Variants in ARNT observed in about 807,000 individuals in gnomAD.
ARNT encodes the protein aryl hydrocarbon receptor nuclear translocator, also known as class E basic helix-loop-helix protein 2.
A neutral mutation model predicts 105.0 loss-of-function variants in ARNT; 30 were observed. That is an observed-to-expected ratio of 0.29 (90% CI 0.21 to 0.39). The LOEUF (loss-of-function observed/expected upper bound fraction) is 0.39, where lower values mean the gene tolerates loss of function less well. Ranked by LOEUF, ARNT falls within the 10% of genes least tolerant of loss-of-function variation. ARNT has a pLI of 1.00. For missense variants in ARNT, 748 were observed against 978.7 expected, an observed-to-expected ratio of 0.76 and a Z score of 3.15; for synonymous variants, 304 against 344.0, an observed-to-expected ratio of 0.88 and a Z score of 1.29.
At chr1:150,826,708 G>C (rs587748109) in intron 12 of ARNT, 91 bp from the exon 13 acceptor site, 2 of 947,912 alleles carry the variant, frequency 2.1e-6, no homozygotes, top group East Asian at 5.1e-5. Flanking sequence ...ACGATGGCGC[G>C]ATCTTGGCTC....
chr1:150,818,814 T>C (rs757000860), intron 14 of ARNT, among the ~76,000 whole-genome samples: 35 of 152,194 alleles, frequency 2.3e-4, no homozygotes, highest in Middle Eastern at 3.4e-3. Flanking sequence ...GGGAAAATGA[T>C]ACATAAACAT....
At chr1:150,824,956 G>C (rs953542928) in intron 13 of ARNT, among the ~76,000 whole-genome samples, 1 of 152,028 alleles carries the variant, frequency 6.6e-6, no homozygotes, top group African/African-American at 2.4e-5. Context: ...CTGCCTCCTG[G>C]GTTCAAGCAA....
chr1:150,873,556 C>T (rs189592026), intron 1 of ARNT, among the ~76,000 whole-genome samples: 1 of 152,228 alleles, frequency 6.6e-6, no homozygotes, highest in Non-Finnish European at 1.5e-5. Flanking sequence ...TGCAGAAGAA[C>T]GTGGTCCCCT....
chr1:150,866,195 C>T (rs1666558835), intron 1 of ARNT, among the ~76,000 whole-genome samples: 1 of 152,054 alleles, frequency 6.6e-6, no homozygotes, highest in South Asian at 2.1e-4. Context: ...GTTGGCCAGG[C>T]TGGTCCCAAA....
Position 150,810,675 on chromosome 1 carries a change from A to C in ARNT, c.*1346T>G, listed in dbSNP as rs1253482522. 4.8e-6 allele frequency: 1 copy of C among 210,324 alleles called. No homozygotes were observed. Among genetic ancestry groups the C allele is most frequent in the Non-Finnish European group, 9.6e-6 (1 of 103,810 alleles). The allele number at this position is 210,324 out of a possible 1,614,324, so 13.0% of individuals were successfully genotyped here. ...AGCTGGTATCTACGACTGTTACCTG[A>C]GGAAGGTAAAGGGTGAGGGTAGTAA... On this transcript the variant is annotated 3_prime_UTR_variant, in exon 22 of 22. Coordinates refer to ENST00000358595, the MANE Select transcript of ARNT (RefSeq NM_001668.4).
In ARNT at chr1:150,810,936, G is replaced by A. The variant is rs926246186; in HGVS notation, c.*1085C>T. On this transcript the variant is annotated 3_prime_UTR_variant, in exon 22 of 22. Transcript: ENST00000358595. ...ATGAAAGAGGCTACTTTGCAAGAGG[G>A]CTTCGTATTTGGTTTACACTCCAAC... 9.2e-5 allele frequency: 21 copies of A among 228,084 alleles called. No homozygotes were observed. Among genetic ancestry groups the A allele is most frequent in the Non-Finnish European group, 1.8e-4 (21 of 114,560 alleles). 14.1% of individuals were successfully genotyped at this position (228,084 alleles called of 1,614,324 possible).
intron 14 of ARNT, among the ~76,000 whole-genome samples, chr1:150,822,817 A>T (rs2101703213): frequency 6.6e-6 from 1 of 152,322 alleles, no homozygotes; most frequent in East Asian, 1.9e-4. Context: ...GGTACTGCAT[A>T]CACAAATTGG....
Position 150,839,460 on chromosome 1 carries a change from G to T in ARNT, c.467C>A (p.Pro156Gln), listed in dbSNP as rs778405288. 7 of 1,614,094 alleles carry T rather than the reference G, an allele frequency of 4.3e-6. No individual in the cohort carries two copies. Among genetic ancestry groups the T allele is most frequent in the Non-Finnish European group, 4.2e-6 (5 of 1,180,004 alleles). ...GNTSTDGSYKPSFLTDQELKH... is the reference protein window; with the variant it reads ...GNTSTDGSYKQSFLTDQELKH... ...AGAGACCTGATCAGTGAGGAAAGACGGCTTATAGGAGCCATCAGTGGATGT... is the reference window on the plus strand; with the variant it reads ...AGAGACCTGATCAGTGAGGAAAGACTGCTTATAGGAGCCATCAGTGGATGT... Residue 156 changes from proline (P) to glutamine (Q), a missense_variant, in exon 6 of 22, where the codon CCG becomes CAG. Coordinates refer to ENST00000358595, the MANE Select transcript of ARNT (RefSeq NM_001668.4).
rs745603389 is a variant in ARNT at position 150,817,209 on chromosome 1, A to G, written c.1579-7T>C. On this transcript the variant is annotated splice_region_variant and splice_polypyrimidine_tract_variant and intron_variant, in intron 16 of 21. Transcript: ENST00000358595. The stretch of plus-strand genomic sequence containing the variant: ...TTGTCACAGGCTGAACCACCTGTGG[A>G]ATACAATGATAAAAATAACCATTAA... The G allele has an allele frequency of 6.2e-7, 1 of 1,613,624 alleles. No homozygotes were observed. Among genetic ancestry groups the G allele is most frequent in the Non-Finnish European group, 8.5e-7 (1 of 1,179,884 alleles).
chr1:150,831,251 CAGGCAGCAGGGAAGTAATA>C (rs1659317731), intron 10 of ARNT, among the ~76,000 whole-genome samples: 1 of 152,168 alleles, frequency 6.6e-6, no homozygotes, highest in Admixed American at 6.5e-5. Flanking sequence ...CAATAATACC[CAGGCAGCAGGGAAGTAATA>C]AAGTTGCTAA....
At position 150,831,926 on chromosome 1, in the gene ARNT, A is replaced by G. The variant is rs74666085; in HGVS notation, c.870-23T>C. On this transcript the variant is annotated intron_variant, in intron 9 of 21. Transcript: ENST00000358595. ...TTCCTAGAAGAGTTACAGGAGTTTG[A>G]AAAAAAAAAAAAAAATCTACCCGTA... The G allele has an allele frequency of 8.3e-3, 2,922 of 351,672 alleles. 1 individual carries two copies. The highest frequency in any genetic ancestry group is 0.011 in the Non-Finnish European group (2,649 of 251,206). 21.8% of individuals were successfully genotyped at this position (351,672 alleles called of 1,614,324 possible).
intron 1 of ARNT, among the ~76,000 whole-genome samples, chr1:150,860,118 T>G (rs1021529919): frequency 2.6e-5 from 4 of 152,060 alleles, no homozygotes; most frequent in African/African-American, 9.7e-5. Flanking sequence ...ATCTCATTGT[T>G]TTTTGTTAGT....
chr1:150,869,394 G>T (rs983696988), intron 1 of ARNT, among the ~76,000 whole-genome samples: 1 of 151,640 alleles, frequency 6.6e-6, no homozygotes, highest in Non-Finnish European at 1.5e-5. Context: ...GGAGAATGGC[G>T]TGAACCTGGG....
intron 5 of ARNT, among the ~76,000 whole-genome samples, chr1:150,840,945 CTT>C (rs777444553): frequency 2.9e-5 from 3 of 103,722 alleles, no homozygotes; most frequent in Non-Finnish European, 3.8e-5. Context: ...CTCTCTTCTT[CTT>C]TTTTTTTTTT....
chr1:150,861,553 T>TA (rs1353350839), intron 1 of ARNT, among the ~76,000 whole-genome samples: 1 of 152,174 alleles, frequency 6.6e-6, no homozygotes, highest in African/African-American at 2.4e-5. Context: ...CTTACACCTG[T>TA]AAGGCTAGCA....
chr1:150,864,258 G>A (rs1350103391), intron 1 of ARNT, among the ~76,000 whole-genome samples: 1 of 152,054 alleles, frequency 6.6e-6, no homozygotes. Context: ...AATCTTATGG[G>A]ACCACCATCA....
At chr1:150,820,481 A>C (rs1193507737) in intron 14 of ARNT, among the ~76,000 whole-genome samples, 1 of 152,088 alleles carries the variant, frequency 6.6e-6, no homozygotes, top group East Asian at 1.9e-4. Flanking sequence ...ACATGGAAAA[A>C]TCCCATCTCT....
intron 14 of ARNT, among the ~76,000 whole-genome samples, chr1:150,818,814 T>TAAA (rs1656484874): frequency 6.6e-6 from 1 of 152,076 alleles, no homozygotes; most frequent in Non-Finnish European, 1.5e-5. Context: ...GGGAAAATGA[T>TAAA]ACATAAACAT....
chr1:150,846,147 T>C, intron 4 of ARNT, 116 bp downstream of exon 4: 2 of 803,224 alleles, frequency 2.5e-6, no homozygotes, highest in Admixed American at 2.6e-5. Context: ...AGGAAAGATA[T>C]TAAACAGAGA....
Sources: allele counts gnomAD v4.1 joint callset (sites outside exome capture counted in the v4.1 genomes callset), GRCh38; gene constraint gnomAD v4.1.1; transcripts MANE v1.5; gene names NCBI Gene and HGNC (gene_info 2026-07-23, HGNC 2026-07-21).